DLGAP2: variants seen among roughly 807,000 people sequenced by gnomAD.
DLGAP2 encodes the protein DLG associated protein 2, also known as disks large-associated protein 2.
Under a neutral mutation model 100.3 loss-of-function variants are expected in DLGAP2, and 26 were observed. The observed-to-expected ratio is 0.26, with a 90% CI of 0.19 to 0.36. The LOEUF is 0.36. Ranked by LOEUF, DLGAP2 falls within the 10% of genes least tolerant of loss-of-function variation. DLGAP2 has a pLI of 1.00. For synonymous variants in DLGAP2, 886 were observed against 630.1 expected (o/e 1.41, Z -6.08); for missense variants, 1,858 against 1,453.2 (o/e 1.28, Z -4.53).
chr8:841,752 G>A lies in DLGAP2; in HGVS notation c.19-66160G>A, dbSNP rs575566761. Among the ~76,000 whole-genome samples, 691 of 152,242 alleles carry A rather than the reference G, an allele frequency of 4.5e-3. 1 individual carries two copies. Among genetic ancestry groups the A allele is most frequent in the Non-Finnish European group, 7.4e-3 (503 of 68,020 alleles). ...CCGCCCCCCACACCCGGCAGCAGGT[G>A]AGTTTTTGAAGACTAACCGTCACAT... On this transcript the variant is annotated intron_variant, in intron 1 of 14. Transcript: ENST00000637795.
At chr8:1,236,216 C>T (rs1798649788) in intron 2 of DLGAP2, among the ~76,000 whole-genome samples, 1 of 82,904 alleles carries the variant, frequency 1.2e-5, no homozygotes. Flanking sequence ...TCACATGGCG[C>T]CGTGTCTAGT....
chr8:1,487,959 G>C (rs143629318), intron 3 of DLGAP2, among the ~76,000 whole-genome samples: 337 of 152,332 alleles, frequency 2.2e-3, no homozygotes, highest in African/African-American at 7.5e-3. Flanking sequence ...GACATTCACT[G>C]TGAGGTGAAA....
At chr8:1,232,202 T>G (rs2116835823) in intron 2 of DLGAP2, among the ~76,000 whole-genome samples, 1 of 152,332 alleles carries the variant, frequency 6.6e-6, no homozygotes, top group Non-Finnish European at 1.5e-5. Context: ...ACTGTCACTT[T>G]GCACACTTGC....
At position 906,457 on chromosome 8, in the gene DLGAP2, T is replaced by C. The variant is rs114108701; in HGVS notation, c.19-1455T>C. Among the ~76,000 whole-genome samples the C allele has an allele frequency of 8.4e-3, 1,272 of 151,970 alleles. 18 individuals carry two copies. Among genetic ancestry groups the C allele is most frequent in the African/African-American group, 0.017 (722 of 41,446 alleles). On this transcript the variant is annotated intron_variant, in intron 1 of 14. Transcript: ENST00000637795. Reference sequence around the variant, plus strand: ...TTTGGAAAGTGCTGGAAAAGGTGAGTGAATGGGCATGGCTGTGGAATGAGA... The same window carrying C: ...TTTGGAAAGTGCTGGAAAAGGTGAGCGAATGGGCATGGCTGTGGAATGAGA...
chr8:1,374,279 G>A (rs1802336897), intron 3 of DLGAP2, among the ~76,000 whole-genome samples: 1 of 152,138 alleles, frequency 6.6e-6, no homozygotes, highest in Non-Finnish European at 1.5e-5. Context: ...TTTACAGAAG[G>A]CTGTGTGGTG....
intron 1 of DLGAP2, among the ~76,000 whole-genome samples, chr8:906,952 T>C (rs1010796344): frequency 7.9e-5 from 12 of 152,306 alleles, no homozygotes; most frequent in African/African-American, 2.9e-4. Flanking sequence ...TATAGAAGAA[T>C]TGGCGGGGAG....
Position 917,583 on chromosome 8 carries a change from A to G in DLGAP2, c.73+9617A>G, listed in dbSNP as rs1301259903. 4.6e-5 allele frequency among the ~76,000 whole-genome samples: 7 copies of G among 151,492 alleles called. No individual in the cohort carries two copies. In the East Asian group the frequency reaches 7.9e-4, roughly 17 times the overall value. On this transcript the variant is annotated intron_variant, in intron 2 of 14. Transcript: ENST00000637795. ...TGTTACTGGACAGCGTCTCCAGAATATTCTTTTGTTGTTGCTGAGACAGGG... is the reference window on the plus strand; with the variant it reads ...TGTTACTGGACAGCGTCTCCAGAATGTTCTTTTGTTGTTGCTGAGACAGGG...
chr8:1,450,566 G>A (rs944552789), intron 3 of DLGAP2, among the ~76,000 whole-genome samples: 5 of 151,956 alleles, frequency 3.3e-5, no homozygotes, highest in African/African-American at 7.3e-5. Flanking sequence ...GGCAGGACTC[G>A]CCTTTCTGTG....
intron 2 of DLGAP2, among the ~76,000 whole-genome samples, chr8:921,536 G>A (rs925056942): frequency 1.3e-5 from 2 of 152,250 alleles, no homozygotes; most frequent in Admixed American, 6.5e-5. Flanking sequence ...ATCCCGGAAC[G>A]GGAGGAGACC....
chr8:1,497,237 G>A (rs555154496), intron 3 of DLGAP2, among the ~76,000 whole-genome samples: 40 of 152,322 alleles, frequency 2.6e-4, no homozygotes, highest in Non-Finnish European at 4.6e-4. Context: ...TTGTTTTGGC[G>A]ATGGAAATGT....
At chr8:924,864 G>GC (rs2129002081) in intron 2 of DLGAP2, among the ~76,000 whole-genome samples, 1 of 152,280 alleles carries the variant, frequency 6.6e-6, no homozygotes, top group African/African-American at 2.4e-5. Flanking sequence ...GGGATTGCCA[G>GC]CATGAGCCAC....
intron 2 of DLGAP2, among the ~76,000 whole-genome samples, chr8:1,152,106 T>C (rs1258295213): frequency 6.6e-6 from 1 of 152,264 alleles, no homozygotes; most frequent in South Asian, 2.1e-4. Context: ...AGAGGCACAG[T>C]ATGTGTTCAA....
At chr8:1,089,623 G>A (rs1231795902) in intron 2 of DLGAP2, among the ~76,000 whole-genome samples, 1 of 152,206 alleles carries the variant, frequency 6.6e-6, no homozygotes, top group Admixed American at 6.5e-5. Flanking sequence ...TTTTGCAAAT[G>A]TGCTGAAAAA....
chr8:1,633,214 T>C (rs1164868808), intron 8 of DLGAP2, among the ~76,000 whole-genome samples, 168 bp downstream of exon 8: 3 of 152,218 alleles, frequency 2.0e-5, no homozygotes, highest in African/African-American at 7.2e-5. Flanking sequence ...AAGGGTGTTT[T>C]GTCTCTTGTA....
chr8:1,196,874 C>G (rs553768779), intron 2 of DLGAP2, among the ~76,000 whole-genome samples: 2 of 152,102 alleles, frequency 1.3e-5, no homozygotes, highest in African/African-American at 4.8e-5. Flanking sequence ...TATATACAGA[C>G]AGGCAAGAGG....
chr8:928,821 AT>A (rs929725012), intron 2 of DLGAP2, among the ~76,000 whole-genome samples: 3 of 151,896 alleles, frequency 2.0e-5, no homozygotes, highest in African/African-American at 7.3e-5. Flanking sequence ...GCGAAGCCTG[AT>A]TTCACAGAGG....
At chr8:1,217,569 C>T (rs1448538173) in intron 2 of DLGAP2, among the ~76,000 whole-genome samples, 1 of 152,094 alleles carries the variant, frequency 6.6e-6, no homozygotes, top group Non-Finnish European at 1.5e-5. Context: ...CTTGTTTCAT[C>T]TCTGATTTCC....
intron 2 of DLGAP2, among the ~76,000 whole-genome samples, chr8:944,591 CAGTG>C (rs992960381): frequency 2.6e-5 from 4 of 151,758 alleles, no homozygotes; most frequent in African/African-American, 4.8e-5. Context: ...GCAGGTGACT[CAGTG>C]GGTGGTAGCT....
intron 10 of DLGAP2, among the ~76,000 whole-genome samples, chr8:1,670,974 A>G (rs1211893100): frequency 6.6e-6 from 1 of 152,194 alleles, no homozygotes; most frequent in African/African-American, 2.4e-5. Context: ...AGGCTGGGAC[A>G]AGAGTGAGCA....
Sources: allele counts gnomAD v4.1 joint callset (sites outside exome capture counted in the v4.1 genomes callset), GRCh38; gene constraint gnomAD v4.1.1; transcripts MANE v1.5; gene names NCBI Gene and HGNC (gene_info 2026-07-23, HGNC 2026-07-21).